ENTREP1: variants seen among roughly 807,000 people sequenced by gnomAD.
ENTREP1 encodes Friedreich ataxia region gene X123.
chr9:69,385,449 C>G, the ENTREP1 span, among the ~76,000 whole-genome samples: 2 of 152,082 alleles, frequency 1.3e-5, no homozygotes, highest in Admixed American at 6.6e-5. Flanking sequence ...TGTCAGGGTG[C>G]TTTTCAGTAC....
chr9:69,345,818 G>A, the ENTREP1 span, among the ~76,000 whole-genome samples: 17 of 152,042 alleles, frequency 1.1e-4, no homozygotes, highest in Non-Finnish European at 4.4e-5. Flanking sequence ...TGGCCAGGCT[G>A]GTCTCAAACT....
At chr9:69,346,816 C>T in the ENTREP1 span, among the ~76,000 whole-genome samples, 2 of 152,204 alleles carry the variant, frequency 1.3e-5, no homozygotes, top group African/African-American at 4.8e-5. Flanking sequence ...AGTTTTGCAA[C>T]CCTTAGCTGA....
the ENTREP1 span, among the ~76,000 whole-genome samples, chr9:69,390,756 C>T: frequency 6.6e-6 from 1 of 152,134 alleles, no homozygotes; most frequent in East Asian, 1.9e-4. Flanking sequence ...CCTCCTGCCT[C>T]AGCCTCTCAG....
At chr9:69,338,315 G>A in the ENTREP1 span, among the ~76,000 whole-genome samples, 3 of 152,104 alleles carry the variant, frequency 2.0e-5, no homozygotes, top group Admixed American at 6.6e-5. Context: ...TTGGTAACAG[G>A]AATCTCCTTT....
the ENTREP1 span, among the ~76,000 whole-genome samples, chr9:69,332,749 C>T: frequency 6.6e-6 from 1 of 152,268 alleles, no homozygotes; most frequent in East Asian, 1.9e-4. Flanking sequence ...CTGTCATGAT[C>T]TATTAAAATA....
chr9:69,329,537 A>G, the ENTREP1 span: 1 of 985,114 alleles, frequency 1.0e-6, no homozygotes, highest in South Asian at 4.7e-5. Flanking sequence ...TACTTTCAGC[A>G]ACTTGAAGGG....
At chr9:69,356,665 G>C in the ENTREP1 span, among the ~76,000 whole-genome samples, 4 of 152,168 alleles carry the variant, frequency 2.6e-5, no homozygotes, top group African/African-American at 7.2e-5. Flanking sequence ...TGTTTACAAC[G>C]AACTTTCTGC....
the ENTREP1 span, among the ~76,000 whole-genome samples, chr9:69,370,216 G>C: frequency 2.0e-5 from 3 of 152,058 alleles, no homozygotes; most frequent in South Asian, 6.2e-4. Flanking sequence ...GGGAAAACTC[G>C]AGACTTTTCC....
chr9:69,383,452 T>C, the ENTREP1 span: 1 of 1,479,002 alleles, frequency 6.8e-7, no homozygotes, highest in Middle Eastern at 2.5e-4. Context: ...TAAGGAACTC[T>C]GGCCACTTCG....
At chr9:69,391,854 T>C in the ENTREP1 span, 1 of 1,496,822 alleles carries the variant, frequency 6.7e-7, no homozygotes, top group Admixed American at 2.0e-5. Context: ...CTCTCCTCTC[T>C]GCCATTTCTT....
At chr9:69,343,965 C>T in the ENTREP1 span, among the ~76,000 whole-genome samples, 1 of 152,188 alleles carries the variant, frequency 6.6e-6, no homozygotes, top group Non-Finnish European at 1.5e-5. Context: ...TGCTAAAGTG[C>T]ATTATAGACT....
the ENTREP1 span, among the ~76,000 whole-genome samples, chr9:69,350,462 T>C: frequency 1.5e-4 from 23 of 152,352 alleles, no homozygotes; most frequent in Admixed American, 8.5e-4. Flanking sequence ...TGGATGTTTC[T>C]TGTTAAGACC....
At chr9:69,385,117 T>G in the ENTREP1 span, among the ~76,000 whole-genome samples, 1 of 152,032 alleles carries the variant, frequency 6.6e-6, no homozygotes. Flanking sequence ...GATGGGATTT[T>G]GTCATGTTGG....
chr9:69,325,010 G>A, the ENTREP1 span: 3 of 985,366 alleles, frequency 3.0e-6, no homozygotes, highest in Non-Finnish European at 3.6e-6. Context: ...GGGACCCTGA[G>A]GCTGTGGCGC....
the ENTREP1 span, among the ~76,000 whole-genome samples, chr9:69,326,622 C>A: frequency 6.6e-6 from 1 of 152,164 alleles, no homozygotes; most frequent in Admixed American, 6.5e-5. Flanking sequence ...GGCATCCAAC[C>A]CCTTGACGTT....
chr9:69,351,193 A>G, the ENTREP1 span, among the ~76,000 whole-genome samples: 1 of 152,194 alleles, frequency 6.6e-6, no homozygotes, highest in African/African-American at 2.4e-5. Flanking sequence ...TAAAGTAGCC[A>G]TTTTAAAAAA....
the ENTREP1 span, among the ~76,000 whole-genome samples, chr9:69,343,244 A>T: frequency 2.6e-5 from 4 of 152,198 alleles, no homozygotes; most frequent in Non-Finnish European, 2.9e-5. Flanking sequence ...TACAAAACAG[A>T]GTGTGTGAAC....
chr9:69,383,022 C>A, the ENTREP1 span: 2 of 983,766 alleles, frequency 2.0e-6, no homozygotes, highest in Non-Finnish European at 2.4e-6. Flanking sequence ...TTTCTGTCAA[C>A]GTTGGTGAAA....
At chr9:69,330,914 G>C in the ENTREP1 span, among the ~76,000 whole-genome samples, 1 of 152,170 alleles carries the variant, frequency 6.6e-6, no homozygotes, top group Non-Finnish European at 1.5e-5. Context: ...ACGGGAACCT[G>C]TATCAATGGT....
Sources: gnomAD v4.1 joint callset for allele counts (sites outside exome capture counted in the v4.1 genomes callset) on GRCh38, gnomAD v4.1.1 for gene constraint, MANE v1.5 for transcripts, NCBI Gene and HGNC (gene_info 2026-07-23, HGNC 2026-07-21) for gene names.